The following KCNJ3 variants were observed in gnomAD, a reference collection of about 807,000 sequenced individuals.
KCNJ3 encodes potassium inwardly rectifying channel subfamily J member 3.
KCNJ3 carries 4 observed loss-of-function variants against 39.2 expected under a neutral mutation model. The observed-to-expected ratio is 0.10, with a 90% confidence interval of 0.05 to 0.23. KCNJ3 has a LOEUF of 0.23. Ranked by LOEUF, KCNJ3 falls within the 10% of genes least tolerant of loss-of-function variation. The probability of loss-of-function intolerance (pLI) is 1.00; values close to 1 mark genes in which losing one functional copy is unlikely to be tolerated. For missense variants in KCNJ3, 276 were observed against 634.9 expected, an observed-to-expected ratio of 0.43 and a Z score of 6.08; for synonymous variants, 230 against 237.4, an observed-to-expected ratio of 0.97 and a Z score of 0.29.
chr2:154,757,232 G>A (rs764663441), intron 2 of KCNJ3, among the ~76,000 whole-genome samples: 2 of 151,998 alleles, frequency 1.3e-5, no homozygotes, highest in Non-Finnish European at 2.9e-5. Flanking sequence ...TGGGAAGGTG[G>A]GGTGGCTTTT....
intron 2 of KCNJ3, among the ~76,000 whole-genome samples, chr2:154,715,317 C>T (rs914998153): frequency 2.0e-5 from 3 of 152,176 alleles, no homozygotes; most frequent in African/African-American, 7.2e-5. Flanking sequence ...AATGACTGCT[C>T]CATCAAAATA....
chr2:154,732,773 C>A (rs1009968251), intron 2 of KCNJ3, among the ~76,000 whole-genome samples: 20 of 152,090 alleles, frequency 1.3e-4, no homozygotes, highest in African/African-American at 4.8e-4. Flanking sequence ...CAATGTGTAG[C>A]TTTGGGCCTG....
chr2:154,699,548 A>G lies in KCNJ3; in HGVS notation c.702+71A>G. On this transcript the variant is annotated intron_variant, in intron 1 of 2. Transcript: ENST00000295101. The surrounding 1 kb of genome is among the most constrained non-coding windows in gnomAD (Gnocchi z 6.4). ...AAACCCGCGGAGTAACTCGTCTGAG[A>G]ACCAGCCCGGGCCCCCTCCCCTGGT... 1 of 1,487,840 alleles carries G rather than the reference A, an allele frequency of 6.7e-7. No individual in the cohort carries two copies. The highest frequency in any genetic ancestry group is 8.9e-7 in the Non-Finnish European group (1 of 1,120,574). The allele number at this position is 1,487,840 out of a possible 1,614,324, so 92.2% of individuals were successfully genotyped here. A position where few individuals can be genotyped will look rare whatever the true frequency, so the allele number is the denominator to read the frequency against.
intron 2 of KCNJ3, among the ~76,000 whole-genome samples, chr2:154,831,133 A>T (rs2105119433): frequency 6.6e-6 from 1 of 152,264 alleles, no homozygotes; most frequent in Middle Eastern, 3.4e-3. Flanking sequence ...TCTCCAATGG[A>T]CAGTCAAAGT....
At chr2:154,749,741 G>A (rs1467982971) in intron 2 of KCNJ3, among the ~76,000 whole-genome samples, 1 of 151,920 alleles carries the variant, frequency 6.6e-6, no homozygotes, top group African/African-American at 2.4e-5. Flanking sequence ...GTGCATATAT[G>A]TAAATTTTTT....
At chr2:154,812,770 C>T (rs76046253) in intron 2 of KCNJ3, among the ~76,000 whole-genome samples, 309 of 151,900 alleles carry the variant, frequency 2.0e-3, no homozygotes, top group Non-Finnish European at 3.2e-3. Context: ...TCTCCTATAA[C>T]GAGGTTAAAA....
chr2:154,798,928 CGT>C (rs138336074), intron 2 of KCNJ3, among the ~76,000 whole-genome samples: 19 of 148,776 alleles, frequency 1.3e-4, no homozygotes, highest in African/African-American at 2.7e-4. Flanking sequence ...ATGTGCATGC[CGT>C]GTGTGTGTGT....
rs1011137668 is a variant in KCNJ3 at position 154,841,221 on chromosome 2, T to C, written c.920-13506T>C. On this transcript the variant is annotated intron_variant, in intron 2 of 2. Transcript: ENST00000295101. ...TGGTTTTTGTCATTGGTTCTGTTTA[T>C]GTGATGGATTACAGTGATTGATTTG... 7.2e-5 allele frequency among the ~76,000 whole-genome samples: 11 copies of C among 152,208 alleles called. 1 individual carries two copies. Among genetic ancestry groups the C allele is most frequent in the Admixed American group, 5.2e-4 (8 of 15,280 alleles).
intron 2 of KCNJ3, among the ~76,000 whole-genome samples, chr2:154,778,671 T>C (rs936470568): frequency 9.9e-5 from 15 of 152,180 alleles, no homozygotes; most frequent in African/African-American, 3.6e-4. Flanking sequence ...TTTTATTTAA[T>C]TATTATTGAT....
At position 154,706,465 on chromosome 2, in the gene KCNJ3, C is replaced by G. The variant is rs143877687; in HGVS notation, c.703-3138C>G. ...TGAAACTGATGAAATATCAGTGGTG[C>G]CAATTTATTATATACTCAAATTACA... is the stretch of plus-strand genomic sequence containing the variant. On this transcript the variant is annotated intron_variant, in intron 1 of 2. Transcript: ENST00000295101. 3.7e-3 allele frequency among the ~76,000 whole-genome samples: 557 copies of G among 152,032 alleles called. 1 individual carries two copies. The highest frequency in any genetic ancestry group is 0.013 in the African/African-American group (522 of 41,472).
In KCNJ3 at chr2:154,856,217, A is replaced by G. The variant is rs1687835874; in HGVS notation, c.*904A>G. 1 of 152,586 alleles carries G rather than the reference A, an allele frequency of 6.6e-6. No individual in the cohort carries two copies. 9.5% of individuals were successfully genotyped at this position (152,586 alleles called of 1,614,324 possible). On this transcript the variant is annotated 3_prime_UTR_variant, in exon 3 of 3. Transcript: ENST00000295101. ...TAAAATCTGGAAATCTGTTTTGTAT[A>G]TGATCTAATACAAAGATGAGCTCTG...
intron 2 of KCNJ3, among the ~76,000 whole-genome samples, chr2:154,763,890 GT>G (rs1433503837): frequency 1.3e-5 from 2 of 152,174 alleles, no homozygotes; most frequent in Non-Finnish European, 2.9e-5. Flanking sequence ...TACAAACTAG[GT>G]ATTTAACAAA....
chr2:154,753,948 T>C (rs1041176770), intron 2 of KCNJ3, among the ~76,000 whole-genome samples: 1 of 152,202 alleles, frequency 6.6e-6, no homozygotes, highest in Non-Finnish European at 1.5e-5. Context: ...TTCAGAACCA[T>C]AGTACAATTA....
At chr2:154,727,591 CAAAAAAAA>C (rs546038652) in intron 2 of KCNJ3, among the ~76,000 whole-genome samples, 6 of 91,352 alleles carry the variant, frequency 6.6e-5, no homozygotes, top group South Asian at 8.6e-4. Flanking sequence ...GAAACTCCGT[CAAAAAAAA>C]AAAAAAAAAA....
rs552120206 is a variant in KCNJ3 at position 154,855,731 on chromosome 2, C to CTGTG, written c.*430_*433dup. ...CAGGGCGATAAAACTAAATATATGT[C>CTGTG]TGTGTGTGTGTGTGTATGTATACAC... On this transcript the variant is annotated 3_prime_UTR_variant, in exon 3 of 3. Coordinates refer to ENST00000295101, the MANE Select transcript of KCNJ3 (RefSeq NM_002239.4). 2.8e-3 allele frequency: 441 copies of CTGTG among 155,824 alleles called. 3 individuals are homozygous for CTGTG. The highest frequency in any genetic ancestry group is 0.01 in the Middle Eastern group (3 of 288). 9.7% of individuals were successfully genotyped at this position (155,824 alleles called of 1,614,324 possible). A position where few individuals can be genotyped will look rare whatever the true frequency, so the allele number is the denominator to read the frequency against.
intron 2 of KCNJ3, among the ~76,000 whole-genome samples, chr2:154,799,213 C>T (rs1195938608): frequency 6.6e-6 from 1 of 152,138 alleles, no homozygotes. Context: ...CTTAGTGCAA[C>T]CTCCTCCTCC....
Position 154,845,197 on chromosome 2 carries a change from C to A in KCNJ3, c.920-9530C>A, listed in dbSNP as rs190623642. Among the ~76,000 whole-genome samples, 526 of 152,312 alleles carry A rather than the reference C, an allele frequency of 3.5e-3. 2 individuals are homozygous for A. Among genetic ancestry groups the A allele is most frequent in the Middle Eastern group, 6.8e-3 (2 of 294 alleles). On this transcript the variant is annotated intron_variant, in intron 2 of 2. Transcript: ENST00000295101. ...GCAGTGGCATAATCTCAGCTCACTG[C>A]AATCTCTGCCTTTTGGGTTCAAGCA...
chr2:154,744,026 A>G (rs1324807620), intron 2 of KCNJ3, among the ~76,000 whole-genome samples: 1 of 151,496 alleles, frequency 6.6e-6, no homozygotes, highest in African/African-American at 2.4e-5. Context: ...CCTATTTTCT[A>G]TATGTTTTTA....
chr2:154,811,524 C>G (rs1290421589), intron 2 of KCNJ3, among the ~76,000 whole-genome samples: 1 of 152,090 alleles, frequency 6.6e-6, no homozygotes, highest in African/African-American at 2.4e-5. Context: ...GAACTCCTGA[C>G]CTTGTGATCC....
Sources: allele counts gnomAD v4.1 joint callset (sites outside exome capture counted in the v4.1 genomes callset), GRCh38; gene constraint gnomAD v4.1.1; non-coding constraint Gnocchi (gnomAD v3.1); transcripts MANE v1.5; gene names NCBI Gene and HGNC (gene_info 2026-07-23, HGNC 2026-07-21).